Variants in SYT1 observed in about 807,000 individuals in gnomAD.
SYT1 encodes the protein synaptotagmin-1.
A neutral mutation model predicts 44.8 loss-of-function variants in SYT1; 8 were observed. That is an observed-to-expected ratio of 0.18 (90% CI 0.10 to 0.32). The LOEUF (loss-of-function observed/expected upper bound fraction) is 0.32, where lower values mean the gene tolerates loss of function less well. Ranked by LOEUF, SYT1 falls within the 10% of genes least tolerant of loss-of-function variation. The pLI is 1.00. For synonymous variants in SYT1, 154 were observed against 188.8 expected (o/e 0.82, Z 1.51); for missense variants, 286 against 509.3 (o/e 0.56, Z 4.22).
intron 1 of SYT1, among the ~76,000 whole-genome samples, chr12:78,921,930 G>C (rs1592563011): frequency 1.3e-5 from 2 of 151,602 alleles, no homozygotes; most frequent in East Asian, 3.9e-4. Context: ...ACCAGTAGAA[G>C]AGCAAATTTA....
intron 9 of SYT1, among the ~76,000 whole-genome samples, chr12:79,436,123 C>T (rs541778631): frequency 6.6e-6 from 1 of 152,220 alleles, no homozygotes; most frequent in South Asian, 2.1e-4. Context: ...GGGGACAATT[C>T]AAAATCTCTT....
intron 3 of SYT1, among the ~76,000 whole-genome samples, chr12:79,187,605 C>T (rs1004828065): frequency 1.3e-5 from 2 of 152,036 alleles, no homozygotes; most frequent in Non-Finnish European, 2.9e-5. Context: ...CATGTATCAC[C>T]TCACGTTATT....
intron 3 of SYT1, among the ~76,000 whole-genome samples, chr12:79,175,159 G>C (rs1871781942): frequency 1.3e-5 from 2 of 151,870 alleles, no homozygotes; most frequent in Non-Finnish European, 2.9e-5. Flanking sequence ...ATGCAATAAG[G>C]AACCATGAAA....
At chr12:79,066,163 A>G (rs1214550823) in intron 3 of SYT1, among the ~76,000 whole-genome samples, 1 of 152,112 alleles carries the variant, frequency 6.6e-6, no homozygotes, top group Non-Finnish European at 1.5e-5. Flanking sequence ...CATTTGACAC[A>G]TGCTCACAAA....
chr12:79,156,451 T>C (rs199619952), intron 3 of SYT1, among the ~76,000 whole-genome samples: 5,349 of 151,904 alleles, frequency 0.035, 214 homozygotes, highest in East Asian at 0.14. Context: ...GCTGTTGTTG[T>C]TGTTGTTGTT....
In SYT1 at chr12:79,276,633, G is replaced by A. The variant is rs187904442; in HGVS notation, c.167-9154G>A. On this transcript the variant is annotated intron_variant, in intron 4 of 10. Transcript: ENST00000261205. ...AGAGGTTGCAGTGAGCTAAGATCGC[G>A]CCACTGCACTCTAGCCTGGTGACAG... 2.8e-3 allele frequency among the ~76,000 whole-genome samples: 420 copies of A among 149,516 alleles called. 4 individuals carry two copies. The highest frequency in any genetic ancestry group is 9.8e-3 in the African/African-American group (395 of 40,512).
At chr12:79,335,521 C>G (rs1222736723) in intron 8 of SYT1, among the ~76,000 whole-genome samples, 4 of 151,940 alleles carry the variant, frequency 2.6e-5, no homozygotes, top group Non-Finnish European at 5.9e-5. Flanking sequence ...TTTATCTTGG[C>G]TCTTGCTCTT....
chr12:79,299,565 T>A lies in SYT1; in HGVS notation c.810+14T>A. 6.2e-7 allele frequency: 1 copy of A among 1,609,682 alleles called. No individual in the cohort carries two copies. Among genetic ancestry groups the A allele is most frequent in the Admixed American group, 1.7e-5 (1 of 59,026 alleles). ...GAGAAGGAAGAGGTAAGGGAATTACTAGCATTTCTAACATCACAAGCTGTA... is the reference window on the plus strand; with the variant it reads ...GAGAAGGAAGAGGTAAGGGAATTACAAGCATTTCTAACATCACAAGCTGTA... On this transcript the variant is annotated intron_variant, in intron 8 of 10. Transcript: ENST00000261205.
intron 1 of SYT1, among the ~76,000 whole-genome samples, chr12:78,879,809 T>C (rs1874359958): frequency 6.6e-6 from 1 of 151,810 alleles, no homozygotes; most frequent in African/African-American, 2.4e-5. Context: ...ATCATATTGT[T>C]CCTTTGTTCT....
chr12:79,236,453 A>T (rs535777154), intron 4 of SYT1, among the ~76,000 whole-genome samples: 1 of 152,240 alleles, frequency 6.6e-6, no homozygotes, highest in Non-Finnish European at 1.5e-5. Flanking sequence ...ATCTGAAATG[A>T]CATTACCCCC....
At chr12:78,933,586 T>C (rs891609433) in intron 1 of SYT1, among the ~76,000 whole-genome samples, 2 of 152,082 alleles carry the variant, frequency 1.3e-5, no homozygotes, top group African/African-American at 4.8e-5. Flanking sequence ...ATTTAAAAAA[T>C]TAGTATTTTG....
At chr12:78,950,545 T>C (rs1878909100) in intron 1 of SYT1, among the ~76,000 whole-genome samples, 1 of 152,116 alleles carries the variant, frequency 6.6e-6, no homozygotes, top group South Asian at 2.1e-4. Context: ...ATTGTGAGCA[T>C]TGTTTTACAG....
At chr12:79,448,477 G>C (rs1042296484) in intron 10 of SYT1, among the ~76,000 whole-genome samples, 2 of 152,108 alleles carry the variant, frequency 1.3e-5, no homozygotes, top group African/African-American at 2.4e-5. Flanking sequence ...TAATCAAATA[G>C]AGTGGGCTGA....
chr12:79,292,698 T>TAA (rs1879647268), intron 6 of SYT1, among the ~76,000 whole-genome samples: 2 of 152,174 alleles, frequency 1.3e-5, no homozygotes, highest in Admixed American at 1.3e-4. Flanking sequence ...ACCAGAGACT[T>TAA]ACTTCTAGTG....
rs1565813879 is a variant in SYT1 at position 79,117,707 on chromosome 12, ATATAT to A, written c.-18+70346_-18+70350del. On this transcript the variant is annotated intron_variant, in intron 3 of 10. Transcript: ENST00000261205. ...TATATATATATATATATATATATATATATATATAAAATAAATAGGTTGCATACAGA... is the reference window on the plus strand; with the variant it reads ...TATATATATATATATATATATATATAATAAAATAAATAGGTTGCATACAGA... Among the ~76,000 whole-genome samples, 69 of 107,844 alleles carry A rather than the reference ATATAT, an allele frequency of 6.4e-4. 1 individual carries two copies. Among genetic ancestry groups the A allele is most frequent in the Non-Finnish European group, 1.0e-3 (54 of 52,300 alleles). 70.7% of individuals were successfully genotyped at this position (107,844 alleles called of 152,430 possible).
rs1565841877 is a variant in SYT1 at position 79,179,346 on chromosome 12, G to GATA, written c.-17-38157_-17-38156insATA. Among the ~76,000 whole-genome samples, 2 of 8,684 alleles carry GATA rather than the reference G, an allele frequency of 2.3e-4. 1 individual carries two copies. The highest frequency in any genetic ancestry group is 3.6e-3 in the Admixed American group (2 of 550). The allele number at this position is 8,684 out of a possible 152,430, so 5.7% of individuals were successfully genotyped here. A position where few individuals can be genotyped will look rare whatever the true frequency, so the allele number is the denominator to read the frequency against. On this transcript the variant is annotated intron_variant, in intron 3 of 10. Coordinates refer to ENST00000261205, the MANE Select transcript of SYT1 (RefSeq NM_005639.3). ...GATATAGATATAGATATATCGATAT[G>GATA]TCTATATCGATATAGATATAGATAT...
At chr12:78,906,971 A>G (rs954804412) in intron 1 of SYT1, among the ~76,000 whole-genome samples, 8 of 152,118 alleles carry the variant, frequency 5.3e-5, no homozygotes, top group Middle Eastern at 3.2e-3. Context: ...CTACTGCTAT[A>G]ACTTTTGATG....
chr12:78,979,087 C>T (rs562050155), intron 2 of SYT1, among the ~76,000 whole-genome samples: 1 of 152,154 alleles, frequency 6.6e-6, no homozygotes, highest in African/African-American at 2.4e-5. Context: ...ATCATTATTT[C>T]TTTACATGGA....
chr12:79,184,438 A>C (rs1872700532), intron 3 of SYT1, among the ~76,000 whole-genome samples: 1 of 152,022 alleles, frequency 6.6e-6, no homozygotes, highest in South Asian at 2.1e-4. Context: ...AAATAAATTG[A>C]GCTAGTATCT....
Sources: allele counts gnomAD v4.1 joint callset (sites outside exome capture counted in the v4.1 genomes callset), GRCh38; gene constraint gnomAD v4.1.1; transcripts MANE v1.5; gene names NCBI Gene and HGNC (gene_info 2026-07-23, HGNC 2026-07-21).